GLIS1: variants seen among roughly 807,000 people sequenced by gnomAD.
The protein encoded by GLIS1 is zinc finger protein GLIS1.
In GLIS1, 24 loss-of-function variants were observed where a neutral mutation model predicts 63.8. The observed-to-expected ratio is 0.38, with a 90% CI of 0.27 to 0.53. The LOEUF is 0.53. Among genes scored for constraint, GLIS1 ranks in the 20% least tolerant of loss-of-function variants. The pLI, the probability that GLIS1 is intolerant of heterozygous loss-of-function variation, is 0.85. For missense variants in GLIS1, 1,036 were observed against 1,074.1 expected (o/e 0.96, Z 0.50); for synonymous variants, 450 against 482.5 (o/e 0.93, Z 0.88).
rs917416018 is a variant in GLIS1, at chr1:53,594,240, G to C, written c.1188C>G (p.Ile396Met). The change falls in exon 4 of 11, where the codon ATC becomes ATG. Residue 396 changes from isoleucine (I) to methionine (M), a missense_variant. Physicochemically the swap from Ile to Met is conservative, Grantham distance 10. Coordinates refer to ENST00000628545, the MANE Select transcript of GLIS1 (RefSeq NM_001367484.1). The part of the protein sequence containing the change: ...ELVRHIEKSH[I>M]DQRKGEDFTC... ...TGAAGTCCTCGCCCTTGCGCTGGTC[G>C]ATGTGGCTCTTCTCGATGTGCCGCA... 23 of 1,613,678 alleles carry C rather than the reference G, an allele frequency of 1.4e-5. No homozygotes were observed. The highest frequency in any genetic ancestry group is 1.8e-5 in the Non-Finnish European group (21 of 1,179,984).
At chr1:53,692,569 G>C (rs1646417717) in intron 2 of GLIS1, among the ~76,000 whole-genome samples, 1 of 152,234 alleles carries the variant, frequency 6.6e-6, no homozygotes, top group African/African-American at 2.4e-5. Flanking sequence ...TTAGAGTTTG[G>C]GGTTGTGCTG....
At chr1:53,515,111 G>GTGTGTGTGTGTGTGTT (rs1332931225) in intron 7 of GLIS1, among the ~76,000 whole-genome samples, 3 of 149,760 alleles carry the variant, frequency 2.0e-5, no homozygotes, top group African/African-American at 7.5e-5. Flanking sequence ...GTGTGTGTGT[G>GTGTGTGTGTGTGTGTT]TGTGTGTGTT....
chr1:53,709,816 T>C (rs1646627511), intron 2 of GLIS1, among the ~76,000 whole-genome samples: 1 of 151,796 alleles, frequency 6.6e-6, no homozygotes, highest in South Asian at 2.1e-4. Context: ...AGTGACTGGG[T>C]GGGTGGATGA....
chr1:53,612,897 C>T (rs1418966907), intron 2 of GLIS1, among the ~76,000 whole-genome samples: 1 of 150,622 alleles, frequency 6.6e-6, no homozygotes, highest in African/African-American at 2.4e-5. Flanking sequence ...CGACTCACAG[C>T]AAGCTCTGCC....
At chr1:53,632,408 CTG>C (rs1228365063) in intron 2 of GLIS1, among the ~76,000 whole-genome samples, 1 of 133,444 alleles carries the variant, frequency 7.5e-6, no homozygotes, top group Non-Finnish European at 1.6e-5. Context: ...TTGAGTGTGA[CTG>C]AGGGGCATGT....
intron 2 of GLIS1, chr1:53,734,089 T>C: frequency 1.0e-6 from 1 of 984,662 alleles, no homozygotes; most frequent in Non-Finnish European, 1.2e-6. Flanking sequence ...GTTACAAGAC[T>C]GACTGCTTTT....
intron 2 of GLIS1, among the ~76,000 whole-genome samples, chr1:53,703,931 AG>A (rs1334198285): frequency 6.6e-6 from 1 of 152,232 alleles, no homozygotes; most frequent in African/African-American, 2.4e-5. Context: ...AGCAAGACAC[AG>A]GGCAGGGGGA....
At chr1:53,546,141 G>A (rs1046880624) in intron 4 of GLIS1, among the ~76,000 whole-genome samples, 4 of 152,252 alleles carry the variant, frequency 2.6e-5, no homozygotes, top group South Asian at 2.1e-4. Context: ...CTCGCAGGGT[G>A]ACGCCACCAA....
chr1:53,550,623 C>A (rs1452490537), intron 4 of GLIS1, among the ~76,000 whole-genome samples: 1 of 152,210 alleles, frequency 6.6e-6, no homozygotes, highest in Non-Finnish European at 1.5e-5. Context: ...AACAGTGCCA[C>A]AGTCCCCACA....
At chr1:53,600,004 C>A (rs185989178) in intron 3 of GLIS1, 97 bp downstream of exon 3, 9 of 665,010 alleles carry the variant, frequency 1.4e-5, no homozygotes, top group Non-Finnish European at 1.9e-5. Flanking sequence ...TCCATTTCCC[C>A]ATGTGTCCCC....
intron 2 of GLIS1, among the ~76,000 whole-genome samples, chr1:53,676,082 A>G (rs1034172287): frequency 4.3e-4 from 63 of 145,968 alleles, no homozygotes; most frequent in Admixed American, 4.1e-3. Flanking sequence ...CAATTCAGGG[A>G]AAAAAAAATT....
At chr1:53,612,820 CTTTTT>C (rs11303017) in intron 2 of GLIS1, among the ~76,000 whole-genome samples, 1 of 122,706 alleles carries the variant, frequency 8.1e-6, no homozygotes. Context: ...TCTTTGATGC[CTTTTT>C]TTTTTTTTTT....
intron 2 of GLIS1, among the ~76,000 whole-genome samples, chr1:53,632,599 A>ACATGTGAATGAGTGTGACGGAGGGG (rs1286861432): frequency 9.9e-6 from 1 of 101,454 alleles, no homozygotes; most frequent in Non-Finnish European, 2.1e-5. Context: ...TGACTGAGGG[A>ACATGTGAATGAGTGTGACGGAGGGG]CATGTGAATG....
intron 8 of GLIS1, 55 bp downstream of exon 8, chr1:53,514,569 TC>T (rs1292746843): frequency 3.2e-6 from 5 of 1,562,708 alleles, no homozygotes; most frequent in Non-Finnish European, 4.4e-6. Context: ...TCTCCCTGCC[TC>T]CCCCCGAGAT....
intron 2 of GLIS1, among the ~76,000 whole-genome samples, chr1:53,696,038 A>G (rs576669099): frequency 8.5e-5 from 13 of 152,266 alleles, no homozygotes; most frequent in African/African-American, 3.1e-4. Context: ...AATGTCTCCA[A>G]TGCATGAAAT....
At chr1:53,642,971 C>T (rs1645803288) in intron 2 of GLIS1, among the ~76,000 whole-genome samples, 1 of 152,182 alleles carries the variant, frequency 6.6e-6, no homozygotes, top group South Asian at 2.1e-4. Context: ...GAATTGTGAG[C>T]TGAGGAAACG....
chr1:53,645,180 C>T (rs1459659868), intron 2 of GLIS1, among the ~76,000 whole-genome samples: 3 of 152,216 alleles, frequency 2.0e-5, no homozygotes, highest in African/African-American at 7.2e-5. Flanking sequence ...TTCTCCCCCC[C>T]AGACATCTGC....
intron 2 of GLIS1, among the ~76,000 whole-genome samples, chr1:53,690,461 C>T (rs577047738): frequency 2.0e-5 from 3 of 152,328 alleles, no homozygotes; most frequent in South Asian, 2.1e-4. Context: ...CTGAACTGGC[C>T]GCCAAATGGT....
At chr1:53,694,091 T>G (rs530107115) in intron 2 of GLIS1, among the ~76,000 whole-genome samples, 1 of 152,248 alleles carries the variant, frequency 6.6e-6, no homozygotes, top group South Asian at 2.1e-4. Flanking sequence ...AGGTGCCCAG[T>G]GCTGCATGGA....
Sources: allele counts gnomAD v4.1 joint callset (sites outside exome capture counted in the v4.1 genomes callset), GRCh38; gene constraint gnomAD v4.1.1; transcripts MANE v1.5; gene names NCBI Gene and HGNC (gene_info 2026-07-23, HGNC 2026-07-21).